The following CDH4 variants were observed in gnomAD, a reference collection of about 807,000 sequenced individuals.
The protein encoded by CDH4 is cadherin-4.
CDH4 carries 33 observed loss-of-function variants against 86.0 expected under a neutral mutation model. That is an observed-to-expected ratio of 0.38 (90% CI 0.29 to 0.51). The LOEUF is 0.51. Ranked by LOEUF, CDH4 falls within the 20% of genes least tolerant of loss-of-function variation. The probability of loss-of-function intolerance (pLI) is 0.86; values close to 1 mark genes in which losing one functional copy is unlikely to be tolerated. For missense variants in CDH4, 1,114 were observed against 1,307.4 expected (o/e 0.85, Z 2.28); for synonymous variants, 555 against 549.4 (o/e 1.01, Z -0.14).
chr20:61,695,277 C>T (rs1388656061), intron 2 of CDH4, among the ~76,000 whole-genome samples: 1 of 152,260 alleles, frequency 6.6e-6, no homozygotes, highest in Non-Finnish European at 1.5e-5. Flanking sequence ...GCCAGTTGCC[C>T]GCAGAGGCGT....
chr20:61,372,585 AC>A (rs1183150740), intron 2 of CDH4, among the ~76,000 whole-genome samples: 1 of 152,162 alleles, frequency 6.6e-6, no homozygotes, highest in Non-Finnish European at 1.5e-5. Flanking sequence ...CTCCTGGGTC[AC>A]CCCAAAGCTG....
intron 2 of CDH4, among the ~76,000 whole-genome samples, chr20:61,729,102 C>T (rs1006429051): frequency 8.1e-6 from 1 of 123,136 alleles, no homozygotes; most frequent in Non-Finnish European, 2.0e-5. Context: ...CCCTGTTGCT[C>T]TGCGAGCGCT....
intron 2 of CDH4, among the ~76,000 whole-genome samples, chr20:61,521,411 G>T (rs1165324613): frequency 6.6e-6 from 1 of 152,182 alleles, no homozygotes; most frequent in Non-Finnish European, 1.5e-5. Context: ...AAGAAGATGG[G>T]AGGCAGCGTC....
chr20:61,420,627 C>A (rs764280484), intron 2 of CDH4, among the ~76,000 whole-genome samples: 1 of 152,250 alleles, frequency 6.6e-6, no homozygotes, highest in Admixed American at 6.5e-5. Context: ...GAAACCCATG[C>A]CCAGGTGCAG....
At chr20:61,764,736 C>A (rs896049262) in intron 3 of CDH4, among the ~76,000 whole-genome samples, 1 of 152,194 alleles carries the variant, frequency 6.6e-6, no homozygotes, top group African/African-American at 2.4e-5. Context: ...CCCAAGGCGC[C>A]CCAGCCTTCG....
chr20:61,360,768 CT>C (rs902064038), intron 2 of CDH4, among the ~76,000 whole-genome samples: 3 of 152,158 alleles, frequency 2.0e-5, no homozygotes, highest in African/African-American at 7.2e-5. Flanking sequence ...TGTAAAGAAT[CT>C]GTCAAAAGCA....
At chr20:61,484,754 A>G (rs2085586733) in intron 2 of CDH4, among the ~76,000 whole-genome samples, 1 of 150,620 alleles carries the variant, frequency 6.6e-6, no homozygotes, top group African/African-American at 2.5e-5. Context: ...CTGAACACAG[A>G]GGGGGCTCAG....
chr20:61,653,421 C>A (rs1039535564), intron 2 of CDH4, among the ~76,000 whole-genome samples: 38 of 138,490 alleles, frequency 2.7e-4, no homozygotes, highest in Middle Eastern at 7.0e-3. Context: ...CCGCCATTGT[C>A]ATCATGGCCC....
chr20:61,450,465 T>C (rs1017998548), intron 2 of CDH4, among the ~76,000 whole-genome samples: 1 of 152,202 alleles, frequency 6.6e-6, no homozygotes, highest in Non-Finnish European at 1.5e-5. Context: ...GCACCAAGCC[T>C]TAACCTCTAA....
chr20:61,721,249 C>T (rs905038014), intron 2 of CDH4, among the ~76,000 whole-genome samples: 1 of 152,206 alleles, frequency 6.6e-6, no homozygotes, highest in African/African-American at 2.4e-5. Flanking sequence ...TAAGGAAAGC[C>T]CAGAGCTTTC....
chr20:61,461,303 A>G (rs1479750658), intron 2 of CDH4, among the ~76,000 whole-genome samples: 1 of 152,182 alleles, frequency 6.6e-6, no homozygotes, highest in African/African-American at 2.4e-5. Context: ...GGGTATTAAG[A>G]AAATCAAAGC....
rs575234054 is a variant in CDH4 at position 61,658,869 on chromosome 20, G to A, written c.170-84694G>A. 5.3e-5 allele frequency among the ~76,000 whole-genome samples: 8 copies of A among 152,314 alleles called. No individual in the cohort carries two copies. In the South Asian group the frequency reaches 1.7e-3, roughly 32 times the overall value. On this transcript the variant is annotated intron_variant, in intron 2 of 15. Coordinates refer to ENST00000614565, the MANE Select transcript of CDH4 (RefSeq NM_001794.5). ...TGTCCTGTCCTAGTGAACCCAGGGA[G>A]GACCAGGGTAGGGGGGAGTGACATG...
At chr20:61,705,832 C>G (rs959762451) in intron 2 of CDH4, among the ~76,000 whole-genome samples, 34 of 152,252 alleles carry the variant, frequency 2.2e-4, no homozygotes, top group Non-Finnish European at 4.8e-4. Context: ...CCGGGCTCTT[C>G]TGCACACATT....
intron 8 of CDH4, among the ~76,000 whole-genome samples, chr20:61,895,769 C>G (rs1385802080): frequency 6.6e-6 from 1 of 152,224 alleles, no homozygotes; most frequent in Non-Finnish European, 1.5e-5. Context: ...GAGGTCCCGG[C>G]CTTGGCTGTC....
intron 2 of CDH4, among the ~76,000 whole-genome samples, chr20:61,427,498 C>CTTTT (rs11484318): frequency 6.6e-6 from 1 of 150,710 alleles, no homozygotes. Flanking sequence ...AACTGAGAGG[C>CTTTT]TTTTTTTTTC....
In CDH4 at chr20:61,811,908, G is replaced by A. The variant is rs1291206635; in HGVS notation, c.577-32760G>A. Among the ~76,000 whole-genome samples the A allele has an allele frequency of 6.6e-6, 1 of 152,012 alleles. No individual in the cohort carries two copies. The highest frequency in any genetic ancestry group is 1.5e-5 in the Non-Finnish European group (1 of 68,000). ...GCTGGTCTCGAACTCCTGACCGCAG[G>A]TGATCCACCTACCTCGGCCTCCCAA... is the stretch of plus-strand genomic sequence containing the variant. On this transcript the variant is annotated intron_variant, in intron 4 of 15. Coordinates refer to ENST00000614565, the MANE Select transcript of CDH4 (RefSeq NM_001794.5). This position sits in a 1 kb window ranked among gnomAD's most constrained non-coding sequence, Gnocchi z 4.4.
Position 61,716,321 on chromosome 20 carries a change from C to G in CDH4, c.170-27242C>G, listed in dbSNP as rs189120561. 5.2e-4 allele frequency among the ~76,000 whole-genome samples: 79 copies of G among 152,278 alleles called. 1 individual carries two copies. In the East Asian group the frequency reaches 0.014, roughly 28 times the overall value. On this transcript the variant is annotated intron_variant, in intron 2 of 15. Transcript: ENST00000614565. Reference sequence around the variant, plus strand: ...GGGGTGGACACTCCTCACCCATGAGCTGCCTCTTGGCTGGACCTGTAAAGG... The same window carrying G: ...GGGGTGGACACTCCTCACCCATGAGGTGCCTCTTGGCTGGACCTGTAAAGG...
chr20:61,718,326 G>GTGCTAAT, intron 2 of CDH4: 1 of 165,752 alleles, frequency 6.0e-6, no homozygotes, highest in Admixed American at 5.6e-5. Flanking sequence ...AGCCACACTC[G>GTGCTAAT]AGTCACTGTT....
intron 2 of CDH4, among the ~76,000 whole-genome samples, chr20:61,657,372 G>T (rs969172082): frequency 6.6e-6 from 1 of 152,178 alleles, no homozygotes; most frequent in Non-Finnish European, 1.5e-5. Context: ...TACACACTTC[G>T]CAGATGTATC....
Sources: allele counts gnomAD v4.1 joint callset (sites outside exome capture counted in the v4.1 genomes callset), GRCh38; gene constraint gnomAD v4.1.1; non-coding constraint Gnocchi (gnomAD v3.1); transcripts MANE v1.5; gene names NCBI Gene and HGNC (gene_info 2026-07-23, HGNC 2026-07-21).